The following ANAPC11 variants were observed in gnomAD, a reference collection of about 807,000 sequenced individuals.
The protein encoded by ANAPC11 is anaphase promoting complex subunit 11, also known as anaphase-promoting complex subunit 11.
A neutral mutation model predicts 11.8 loss-of-function variants in ANAPC11; 5 were observed. The observed-to-expected ratio is 0.42, with a 90% CI of 0.22 to 0.89. The LOEUF (loss-of-function observed/expected upper bound fraction) is 0.89. ANAPC11 is among the 40% of genes least tolerant of loss of function. The pLI is 0.28. For missense variants in ANAPC11, 68 were observed against 112.9 expected (o/e 0.60, Z 1.80); for synonymous variants, 45 against 41.0 (o/e 1.10, Z -0.38).
intron 3 of ANAPC11, 69 bp from the exon 4 acceptor site, chr17:81,899,839 ACCTGCACCCCTG>A (rs1305018576): frequency 2.0e-5 from 28 of 1,419,356 alleles, no homozygotes; most frequent in Non-Finnish European, 2.7e-5. Context: ...CAGGGTCCCT[ACCTGCACCCCTG>A]CCTGGCTTGT....
chr17:81,894,388 G>T, intron 2 of ANAPC11, 79 bp from the exon 3 acceptor site: 1 of 794,472 alleles, frequency 1.3e-6, no homozygotes, highest in Non-Finnish European at 2.1e-6. Flanking sequence ...ACTGTGGCAG[G>T]CTTATACCTG....
intron 3 of ANAPC11, among the ~76,000 whole-genome samples, chr17:81,896,227 C>T (rs1401979905): frequency 6.6e-6 from 1 of 152,130 alleles, no homozygotes; most frequent in Non-Finnish European, 1.5e-5. Context: ...TTGAGACCAG[C>T]CTGGCCAACA....
chr17:81,899,062 A>T, intron 3 of ANAPC11: 1 of 661,992 alleles, frequency 1.5e-6, no homozygotes, highest in Admixed American at 2.9e-5. Context: ...CTGCCAGGAC[A>T]GGAGGGTGGC....
chr17:81,897,903 G>A (rs1162607953), intron 3 of ANAPC11, among the ~76,000 whole-genome samples: 1 of 152,204 alleles, frequency 6.6e-6, no homozygotes, highest in Non-Finnish European at 1.5e-5. Context: ...GATTATAGGT[G>A]TGGCGCCTGG....
chr17:81,892,548 A>C (rs1348264725), intron 1 of ANAPC11, among the ~76,000 whole-genome samples: 1 of 132,476 alleles, frequency 7.5e-6, no homozygotes, highest in African/African-American at 3.2e-5. Flanking sequence ...TTTTTGAGGC[A>C]GTCTCATTCT....
intron 1 of ANAPC11, chr17:81,893,313 T>TG (rs1256239090): frequency 6.6e-6 from 1 of 152,036 alleles, no homozygotes; most frequent in African/African-American, 2.4e-5. Context: ...AGGCTGGTCT[T>TG]GAACTCCTGA....
rs1195483940 is a variant in ANAPC11 at position 81,893,037 on chromosome 17, C to G, written c.-74-515C>G. 5 of 149,174 alleles carry G rather than the reference C, an allele frequency of 3.4e-5. No individual in the cohort carries two copies. The East Asian group carries it at 9.8e-4, about 29-fold the overall frequency. The allele number at this position is 149,174 out of a possible 1,614,324, so 9.2% of individuals were successfully genotyped here. A position where few individuals can be genotyped will look rare whatever the true frequency, so the allele number is the denominator to read the frequency against. ...CTTTTTTTTTTTTTTTTGAGACAGTCCCACTATGTTGCCCAGGCTGGAGTG... is the reference window on the plus strand; with the variant it reads ...CTTTTTTTTTTTTTTTTGAGACAGTGCCACTATGTTGCCCAGGCTGGAGTG... On this transcript the variant is annotated intron_variant, in intron 1 of 3. Transcript: ENST00000344877.
upstream of ANAPC11, chr17:81,890,835 G>GC (rs755626055): frequency 1.2e-5 from 20 of 1,613,698 alleles, no homozygotes; most frequent in Admixed American, 1.0e-4. Flanking sequence ...AAAAAAAACC[G>GC]CAACAAGAGC....
intron 3 of ANAPC11, among the ~76,000 whole-genome samples, chr17:81,896,734 C>T (rs144896741): frequency 2.4e-4 from 36 of 148,272 alleles, no homozygotes; most frequent in African/African-American, 7.8e-4. Flanking sequence ...AACTCCTGGG[C>T]TCCAGCCATC....
chr17:81,899,612 C>A, intron 3 of ANAPC11: 1 of 1,513,404 alleles, frequency 6.6e-7, no homozygotes. Flanking sequence ...AGAGCGCCAC[C>A]TCCTCAGAGA....
downstream of ANAPC11, chr17:81,900,463 G>C (rs1259279364): frequency 2.4e-5 from 6 of 251,588 alleles, no homozygotes; most frequent in Admixed American, 3.5e-4. Context: ...GATTGCCGGC[G>C]GCGGCCCTGG....
intron 3 of ANAPC11, chr17:81,899,269 G>A (rs1286319311): frequency 6.2e-7 from 1 of 1,612,326 alleles, no homozygotes; most frequent in East Asian, 2.2e-5. Flanking sequence ...AGCATTTCTA[G>A]GTGTTTGGGC....
chr17:81,891,422 C>T, upstream of ANAPC11: 1 of 1,022,626 alleles, frequency 9.8e-7, no homozygotes, highest in Non-Finnish European at 1.2e-6. Context: ...GATTCACTCG[C>T]GCGGCGGCCT....
intron 3 of ANAPC11, among the ~76,000 whole-genome samples, chr17:81,896,961 G>A (rs931934097): frequency 6.6e-6 from 1 of 151,870 alleles, no homozygotes; most frequent in Middle Eastern, 3.4e-3. Flanking sequence ...TTACAGGCAT[G>A]CACCACCACA....
chr17:81,894,255 A>G (rs943532391), intron 2 of ANAPC11: 1 of 354,514 alleles, frequency 2.8e-6, no homozygotes, highest in African/African-American at 2.1e-5. Context: ...TCAAAAAAAA[A>G]AAATTAATAA....
Position 81,899,395 on chromosome 17 carries a change from C to G in ANAPC11, c.110-525C>G, listed in dbSNP as rs552502166. ...GGATCCCTGATGTCTAGGGAAGAGT[C>G]TTCTAGGTCCCCAGACCCCACCCCT... On this transcript the variant is annotated intron_variant, in intron 3 of 3. Coordinates refer to ENST00000344877, the MANE Select transcript of ANAPC11 (RefSeq NM_001002248.3). 3.1e-6 allele frequency: 5 copies of G among 1,613,948 alleles called. No homozygotes were observed. In the East Asian group the frequency reaches 8.9e-5, roughly 29 times the overall value.
At chr17:81,891,333 G>A, upstream of ANAPC11, 1 of 1,162,588 alleles carries the variant, frequency 8.6e-7, no homozygotes, top group Non-Finnish European at 1.1e-6. Flanking sequence ...CCTGCTGTAG[G>A]GCGCCGGTCG....
intron 3 of ANAPC11, chr17:81,898,100 A>G (rs961518908): frequency 2.6e-5 from 4 of 152,272 alleles, no homozygotes; most frequent in Non-Finnish European, 5.9e-5. Context: ...CTAAATTCAC[A>G]AGGCACAGTT....
At chr17:81,891,335 C>T (rs893747241), upstream of ANAPC11, 35 of 1,161,506 alleles carry the variant, frequency 3.0e-5, no homozygotes, top group Non-Finnish European at 3.6e-5. Flanking sequence ...TGCTGTAGGG[C>T]GCCGGTCGGT....
Sources: gnomAD v4.1 joint callset for allele counts (sites outside exome capture counted in the v4.1 genomes callset) on GRCh38, gnomAD v4.1.1 for gene constraint, MANE v1.5 for transcripts, NCBI Gene and HGNC (gene_info 2026-07-23, HGNC 2026-07-21) for gene names.